Variants in MAPDA observed in about 807,000 individuals in gnomAD.
MAPDA encodes N6-Methyl-AMP deaminase.
chr15:43,335,219 T>C, the MAPDA span: 283 of 1,580,516 alleles, frequency 1.8e-4, 1 homozygote, highest in African/African-American at 3.2e-3. Flanking sequence ...TTATAATGAC[T>C]TTGATGTTGC....
the MAPDA span, chr15:43,351,800 T>C: frequency 6.4e-7 from 1 of 1,551,648 alleles, no homozygotes. Flanking sequence ...GAGTACCAGC[T>C]GGCAGCTGAA....
chr15:43,339,460 A>G, the MAPDA span, among the ~76,000 whole-genome samples: 1 of 152,236 alleles, frequency 6.6e-6, no homozygotes, highest in African/African-American at 2.4e-5. Context: ...CACTGTATGT[A>G]TGAACAGCCA....
the MAPDA span, among the ~76,000 whole-genome samples, chr15:43,339,619 AGGATT>A: frequency 6.6e-6 from 1 of 152,258 alleles, no homozygotes; most frequent in East Asian, 1.9e-4. Context: ...TAGATTTTTT[AGGATT>A]GAAGGCAGAA....
the MAPDA span, among the ~76,000 whole-genome samples, chr15:43,341,808 C>T: frequency 6.6e-6 from 1 of 152,052 alleles, no homozygotes; most frequent in Non-Finnish European, 1.5e-5. Flanking sequence ...ACTTGGAAAA[C>T]AGTAGTTATC....
the MAPDA span, chr15:43,352,119 C>T: frequency 1.2e-5 from 6 of 520,600 alleles, no homozygotes; most frequent in Non-Finnish European, 1.6e-5. Flanking sequence ...TCAACTGACT[C>T]ACAAGCTCTC....
At chr15:43,338,777 A>G in the MAPDA span, among the ~76,000 whole-genome samples, 2 of 152,172 alleles carry the variant, frequency 1.3e-5, no homozygotes, top group Non-Finnish European at 2.9e-5. Flanking sequence ...CCCCAGGGAA[A>G]TGTTCTTGGA....
At chr15:43,351,193 G>A in the MAPDA span, 6 of 676,536 alleles carry the variant, frequency 8.9e-6, no homozygotes, top group South Asian at 1.1e-4. Flanking sequence ...GAGTATGGTG[G>A]CGCACACCTG....
the MAPDA span, chr15:43,347,124 G>A: frequency 1.3e-6 from 2 of 1,568,666 alleles, no homozygotes; most frequent in South Asian, 1.1e-5. Context: ...AGGCTAGAAG[G>A]GACAGATTGT....
the MAPDA span, among the ~76,000 whole-genome samples, chr15:43,337,589 A>G: frequency 6.6e-6 from 1 of 152,164 alleles, no homozygotes; most frequent in Non-Finnish European, 1.5e-5. Context: ...AAATGGAGAG[A>G]AGCAAAATTG....
the MAPDA span, chr15:43,349,262 T>C: frequency 6.3e-6 from 8 of 1,270,326 alleles, no homozygotes; most frequent in Admixed American, 3.8e-5. Flanking sequence ...GCTTGTCTTA[T>C]TCGTTGTTAC....
chr15:43,334,357 G>A, the MAPDA span, among the ~76,000 whole-genome samples: 1 of 151,676 alleles, frequency 6.6e-6, no homozygotes, highest in Non-Finnish European at 1.5e-5. Flanking sequence ...GCCGGGCATG[G>A]TGGCTCATGC....
chr15:43,351,640 G>A, the MAPDA span: 2 of 1,027,222 alleles, frequency 1.9e-6, no homozygotes, highest in South Asian at 1.7e-5. Flanking sequence ...CCCTTGTTTA[G>A]ACTCTTGAAA....
chr15:43,335,448 C>T, the MAPDA span, among the ~76,000 whole-genome samples: 3 of 152,224 alleles, frequency 2.0e-5, no homozygotes, highest in South Asian at 4.1e-4. Context: ...GCAGGAGAAT[C>T]GCTTGAACCC....
the MAPDA span, chr15:43,351,134 C>G: frequency 8.0e-7 from 1 of 1,257,566 alleles, no homozygotes; most frequent in Non-Finnish European, 1.1e-6. Flanking sequence ...CCTTGCATGC[C>G]TGAGGATAAT....
At chr15:43,342,298 C>A in the MAPDA span, among the ~76,000 whole-genome samples, 1 of 152,014 alleles carries the variant, frequency 6.6e-6, no homozygotes, top group East Asian at 1.9e-4. Flanking sequence ...AGTGCTCTTG[C>A]AGATCCCCTC....
the MAPDA span, chr15:43,336,629 T>C: frequency 9.6e-6 from 15 of 1,567,822 alleles, no homozygotes; most frequent in East Asian, 2.6e-4. Context: ...GTTGCAGATG[T>C]TTCCAGATGT....
the MAPDA span, chr15:43,351,488 G>A: frequency 8.9e-6 from 4 of 450,708 alleles, no homozygotes; most frequent in Non-Finnish European, 1.6e-5. Flanking sequence ...TTTGATCTGG[G>A]GTGAGTCCTG....
At chr15:43,334,192 T>C in the MAPDA span, among the ~76,000 whole-genome samples, 1 of 152,132 alleles carries the variant, frequency 6.6e-6, no homozygotes, top group Non-Finnish European at 1.5e-5. Context: ...TTTTTGTAAA[T>C]AAAGAAACTG....
chr15:43,349,652 G>A, the MAPDA span, among the ~76,000 whole-genome samples: 1 of 152,170 alleles, frequency 6.6e-6, no homozygotes, highest in Non-Finnish European at 1.5e-5. Flanking sequence ...ACTTTTGATT[G>A]GATGGTTAGG....
Sources: allele counts gnomAD v4.1 joint callset (sites outside exome capture counted in the v4.1 genomes callset), GRCh38; gene constraint gnomAD v4.1.1; transcripts MANE v1.5; gene names NCBI Gene and HGNC (gene_info 2026-07-23, HGNC 2026-07-21).